Variants in SRPK2 observed in about 807,000 individuals in gnomAD.
SRPK2 encodes SRSF protein kinase 2.
A neutral mutation model predicts 90.8 loss-of-function variants in SRPK2; 21 were observed. The ratio of observed to expected loss-of-function variants is 0.23; its 90% CI spans 0.16 to 0.33. The LOEUF (loss-of-function observed/expected upper bound fraction) is 0.33. SRPK2 is among the 10% of genes least tolerant of loss of function. The pLI is 1.00. For synonymous variants in SRPK2, 288 were observed against 311.1 expected (o/e 0.93, Z 0.78); for missense variants, 620 against 869.0 (o/e 0.71, Z 3.60).
At chr7:105,380,898 T>A (rs1820867496) in intron 2 of SRPK2, among the ~76,000 whole-genome samples, 1 of 148,566 alleles carries the variant, frequency 6.7e-6, no homozygotes, top group African/African-American at 2.5e-5. Flanking sequence ...TGTATTATAC[T>A]GAATTCTGTA....
intron 15 of SRPK2, among the ~76,000 whole-genome samples, chr7:105,120,370 A>C (rs2129571660): frequency 6.6e-6 from 1 of 152,352 alleles, no homozygotes. Flanking sequence ...TCTTCCATGA[A>C]AAGAGAAGTT....
At chr7:105,124,752 CT>C (rs1252508807) in intron 15 of SRPK2, among the ~76,000 whole-genome samples, 5 of 151,366 alleles carry the variant, frequency 3.3e-5, no homozygotes, top group African/African-American at 1.2e-4. Flanking sequence ...CTCACATCAA[CT>C]TTAAAAGTTC....
chr7:105,353,889 G>T (rs1423586194), intron 2 of SRPK2, among the ~76,000 whole-genome samples: 1 of 152,088 alleles, frequency 6.6e-6, no homozygotes, highest in Non-Finnish European at 1.5e-5. Context: ...CAAATCCCAC[G>T]TGAGGCCAAA....
intron 2 of SRPK2, among the ~76,000 whole-genome samples, chr7:105,373,734 G>A (rs1333091475): frequency 1.3e-5 from 2 of 151,878 alleles, no homozygotes; most frequent in Non-Finnish European, 2.9e-5. Context: ...TTCAGACCAA[G>A]CCCTCTTCTC....
chr7:105,232,458 TAAAAAAAAAA>T (rs10533429), intron 2 of SRPK2, among the ~76,000 whole-genome samples: 110,145 of 132,648 alleles, frequency 0.83, 45,139 homozygotes, highest in Middle Eastern at 0.88. Context: ...AAACCTTATC[TAAAAAAAAAA>T]AAAAAAAAAA....
At chr7:105,310,487 A>G (rs1811583643) in intron 2 of SRPK2, among the ~76,000 whole-genome samples, 1 of 152,104 alleles carries the variant, frequency 6.6e-6, no homozygotes, top group South Asian at 2.1e-4. Context: ...TACCAAAAAT[A>G]TAAAACTTTA....
At chr7:105,151,094 AT>A (rs1223139897) in intron 7 of SRPK2, among the ~76,000 whole-genome samples, 1 of 152,074 alleles carries the variant, frequency 6.6e-6, no homozygotes, top group Non-Finnish European at 1.5e-5. Flanking sequence ...AAAGTTCCAG[AT>A]TTTTTTTAAA....
At chr7:105,336,611 T>A (rs1389191996) in intron 2 of SRPK2, among the ~76,000 whole-genome samples, 2 of 152,178 alleles carry the variant, frequency 1.3e-5, no homozygotes, top group Non-Finnish European at 2.9e-5. Flanking sequence ...TCTATAGCAA[T>A]CTCTCCTCTA....
Position 105,149,867 on chromosome 7 carries a change from C to T in SRPK2, c.622-3209G>A, listed in dbSNP as rs922640606. Among the ~76,000 whole-genome samples the T allele has an allele frequency of 2.0e-5, 3 of 152,178 alleles. No homozygotes were observed. The East Asian group carries it at 5.8e-4, about 29-fold the overall frequency. On this transcript the variant is annotated intron_variant, in intron 7 of 15. Transcript: ENST00000393651. ...CCTACAAACATTTAAAACAACTTTA[C>T]CTTACAGAGTATTTTTACATAAATT...
chr7:105,181,983 C>G (rs1341174900), intron 3 of SRPK2, among the ~76,000 whole-genome samples: 1 of 151,366 alleles, frequency 6.6e-6, no homozygotes, highest in African/African-American at 2.4e-5. Context: ...AATCCCAGCA[C>G]TTTCGGGGGC....
At chr7:105,323,664 C>T (rs963683867) in intron 2 of SRPK2, among the ~76,000 whole-genome samples, 2 of 152,138 alleles carry the variant, frequency 1.3e-5, no homozygotes, top group African/African-American at 2.4e-5. Flanking sequence ...TACATGCTAA[C>T]ACAAAACATA....
intron 2 of SRPK2, among the ~76,000 whole-genome samples, chr7:105,295,153 G>A (rs937584235): frequency 3.3e-5 from 5 of 151,554 alleles, no homozygotes; most frequent in African/African-American, 4.9e-5. Flanking sequence ...CAGAGGCTGC[G>A]GTGAGCCAAA....
chr7:105,302,302 C>T (rs192719895), intron 2 of SRPK2, among the ~76,000 whole-genome samples: 2 of 152,282 alleles, frequency 1.3e-5, no homozygotes, highest in Admixed American at 6.5e-5. Context: ...GAAAATGTTA[C>T]AGTTTAGTAT....
intron 2 of SRPK2, among the ~76,000 whole-genome samples, chr7:105,286,889 T>C (rs1426521859): frequency 1.3e-5 from 2 of 152,090 alleles, no homozygotes; most frequent in Admixed American, 1.3e-4. Context: ...GTTTGTCACA[T>C]TGCTGTATGC....
chr7:105,145,413 T>C, intron 8 of SRPK2, 105 bp from the exon 9 acceptor site: 1 of 734,612 alleles, frequency 1.4e-6, no homozygotes, highest in East Asian at 3.0e-5. Flanking sequence ...TTTTAATGGC[T>C]ATCCAACTTC....
At chr7:105,261,262 C>G (rs1804237786) in intron 2 of SRPK2, among the ~76,000 whole-genome samples, 1 of 152,168 alleles carries the variant, frequency 6.6e-6, no homozygotes, top group Non-Finnish European at 1.5e-5. Flanking sequence ...TGGCTCAAGC[C>G]TGTAATCCCG....
At chr7:105,328,801 C>A (rs1167804536) in intron 2 of SRPK2, among the ~76,000 whole-genome samples, 1 of 148,796 alleles carries the variant, frequency 6.7e-6, no homozygotes, top group Non-Finnish European at 1.5e-5. Context: ...GGAGGCAGAG[C>A]TTGCAGTGAG....
At chr7:105,149,491 A>G (rs938280519) in intron 7 of SRPK2, among the ~76,000 whole-genome samples, 4 of 152,156 alleles carry the variant, frequency 2.6e-5, no homozygotes, top group Non-Finnish European at 4.4e-5. Context: ...ATCAATAAAA[A>G]CTGAGGGAAC....
At chr7:105,158,607 A>G (rs1046864286) in intron 7 of SRPK2, among the ~76,000 whole-genome samples, 2 of 152,276 alleles carry the variant, frequency 1.3e-5, no homozygotes, top group Non-Finnish European at 2.9e-5. Flanking sequence ...TCAGTCACTT[A>G]AGGCAACAGC....
Sources: gnomAD v4.1 joint callset for allele counts (sites outside exome capture counted in the v4.1 genomes callset) on GRCh38, gnomAD v4.1.1 for gene constraint, MANE v1.5 for transcripts, NCBI Gene and HGNC (gene_info 2026-07-23, HGNC 2026-07-21) for gene names.